MMP16: variants seen among roughly 807,000 people sequenced by gnomAD.
MMP16 encodes matrix metallopeptidase 16, also known as matrix metalloproteinase-16.
A neutral mutation model predicts 67.8 loss-of-function variants in MMP16; 12 were observed. The observed-to-expected ratio is 0.18, with a 90% CI of 0.11 to 0.29. MMP16 has a LOEUF of 0.29. Among genes scored for constraint, MMP16 ranks in the 10% least tolerant of loss-of-function variants. The probability of loss-of-function intolerance (pLI) is 1.00; values close to 1 mark genes in which losing one functional copy is unlikely to be tolerated. For missense variants in MMP16, 475 were observed against 765.7 expected, an observed-to-expected ratio of 0.62 and a Z score of 4.48; for synonymous variants, 249 against 255.9, an observed-to-expected ratio of 0.97 and a Z score of 0.26.
At position 88,218,609 on chromosome 8, in the gene MMP16, T is replaced by C. The variant is rs574796387; in HGVS notation, c.133-21303A>G. 3.3e-5 allele frequency among the ~76,000 whole-genome samples: 5 copies of C among 152,188 alleles called. No individual in the cohort carries two copies. The South Asian group carries it at 1.0e-3, about 32-fold the overall frequency. ...TGTTGCATACCTTAAATGCATTTAA[T>C]TGATTTATCAATTATACCTTGATAA... On this transcript the variant is annotated intron_variant, in intron 1 of 9. Transcript: ENST00000286614.
intron 1 of MMP16, among the ~76,000 whole-genome samples, chr8:88,218,373 C>T (rs899396955): frequency 1.3e-5 from 2 of 151,946 alleles, no homozygotes; most frequent in Non-Finnish European, 2.9e-5. Flanking sequence ...AGGGGACAAA[C>T]TTTCAATTGT....
At chr8:88,050,216 G>A (rs1177631491) in intron 8 of MMP16, among the ~76,000 whole-genome samples, 1 of 151,772 alleles carries the variant, frequency 6.6e-6, no homozygotes, top group Non-Finnish European at 1.5e-5. Context: ...CCAGCTAGTC[G>A]GGAGGCTGAG....
rs141262435 is a variant in MMP16, at chr8:88,258,554, C to T, written c.133-61248G>A. Reference sequence around the variant, plus strand: ...AACAAAATCACTAAAAAAAGCAAGACCAAATAAAACCTCATATGAACAAAG... The same window carrying T: ...AACAAAATCACTAAAAAAAGCAAGATCAAATAAAACCTCATATGAACAAAG... On this transcript the variant is annotated intron_variant, in intron 1 of 9. Transcript: ENST00000286614. Among the ~76,000 whole-genome samples, 29 of 152,176 alleles carry T rather than the reference C, an allele frequency of 1.9e-4. 2 individuals are homozygous for T. Among genetic ancestry groups the T allele is most frequent in the Middle Eastern group, 3.4e-3 (1 of 294 alleles).
At position 88,172,093 on chromosome 8, in the gene MMP16, C is replaced by CA. The variant is rs555066347; in HGVS notation, c.405-4121dup. On this transcript the variant is annotated intron_variant, in intron 3 of 9. Coordinates refer to ENST00000286614, the MANE Select transcript of MMP16 (RefSeq NM_005941.5). ...CTTGGCCTCCAAAGTGCTGGGATTA[C>CA]AGGCGTGTGCCACCGTGCCCGGCCA... 6.2e-4 allele frequency among the ~76,000 whole-genome samples: 95 copies of CA among 152,304 alleles called. 3 individuals carry two copies. The South Asian group carries it at 0.019, about 31-fold the overall frequency.
At chr8:88,272,362 T>C (rs1034543146) in intron 1 of MMP16, among the ~76,000 whole-genome samples, 2 of 152,140 alleles carry the variant, frequency 1.3e-5, no homozygotes, top group African/African-American at 4.8e-5. Context: ...GCAAAGAATA[T>C]ATAAAGCTTA....
chr8:88,285,078 C>T (rs1810806059), intron 1 of MMP16, among the ~76,000 whole-genome samples: 1 of 152,100 alleles, frequency 6.6e-6, no homozygotes, highest in Non-Finnish European at 1.5e-5. Context: ...GTCCATCTTC[C>T]TGACATACTA....
chr8:88,225,329 T>C (rs530589440), intron 1 of MMP16, among the ~76,000 whole-genome samples: 57 of 152,124 alleles, frequency 3.7e-4, no homozygotes, highest in Middle Eastern at 3.4e-3. Flanking sequence ...ACTGTGTTTG[T>C]CCATGTTCTT....
At chr8:88,224,218 T>C (rs1809732214) in intron 1 of MMP16, among the ~76,000 whole-genome samples, 1 of 152,066 alleles carries the variant, frequency 6.6e-6, no homozygotes, top group Admixed American at 6.6e-5. Flanking sequence ...GTTGCTATCC[T>C]GGGCATCAAC....
chr8:88,081,946 C>A (rs945209224), intron 6 of MMP16, among the ~76,000 whole-genome samples: 1 of 151,782 alleles, frequency 6.6e-6, no homozygotes, highest in African/African-American at 2.4e-5. Flanking sequence ...TTGGTTGTGA[C>A]CAATAAATTT....
intron 7 of MMP16, among the ~76,000 whole-genome samples, chr8:88,057,661 C>A (rs1407465122): frequency 6.6e-6 from 1 of 152,084 alleles, no homozygotes; most frequent in Non-Finnish European, 1.5e-5. Flanking sequence ...GCTCTCAACA[C>A]AAAATAAGCA....
At chr8:88,214,939 G>A (rs997270388) in intron 1 of MMP16, among the ~76,000 whole-genome samples, 1 of 152,136 alleles carries the variant, frequency 6.6e-6, no homozygotes, top group Non-Finnish European at 1.5e-5. Flanking sequence ...CTTCAGTGAA[G>A]GAACTATCAT....
intron 1 of MMP16, among the ~76,000 whole-genome samples, chr8:88,231,918 T>C (rs28904609): frequency 0.035 from 5,398 of 152,252 alleles, 251 homozygotes; most frequent in African/African-American, 0.11. Context: ...CCATTCATTA[T>C]CCTATCTAAA....
At chr8:88,285,685 T>C (rs1375088054) in intron 1 of MMP16, among the ~76,000 whole-genome samples, 1 of 152,042 alleles carries the variant, frequency 6.6e-6, no homozygotes. Context: ...CCCCCTCAAC[T>C]GAATCCTTCC....
At chr8:88,186,303 G>T (rs1035278714) in intron 3 of MMP16, 173 bp downstream of exon 3, 4 of 684,594 alleles carry the variant, frequency 5.8e-6, no homozygotes, top group Non-Finnish European at 9.4e-6. Context: ...TCTACATAGG[G>T]TGTCTAATGA....
At chr8:88,080,343 C>T (rs1028205303) in intron 6 of MMP16, among the ~76,000 whole-genome samples, 6 of 152,134 alleles carry the variant, frequency 3.9e-5, no homozygotes, top group African/African-American at 1.4e-4. Flanking sequence ...CAAGGGAAAT[C>T]ATTAGCTGTG....
intron 6 of MMP16, among the ~76,000 whole-genome samples, chr8:88,078,227 T>C (rs1479048972): frequency 6.6e-6 from 1 of 152,154 alleles, no homozygotes; most frequent in Non-Finnish European, 1.5e-5. Context: ...AAAAAAACAG[T>C]ACTTATACAT....
At chr8:88,219,491 G>T (rs1025505589) in intron 1 of MMP16, among the ~76,000 whole-genome samples, 3 of 152,000 alleles carry the variant, frequency 2.0e-5, no homozygotes, top group Non-Finnish European at 2.9e-5. Context: ...TGTTGTTCTT[G>T]CATGAGACCA....
At chr8:88,234,291 T>C (rs2129880808) in intron 1 of MMP16, among the ~76,000 whole-genome samples, 1 of 152,342 alleles carries the variant, frequency 6.6e-6, no homozygotes, top group East Asian at 1.9e-4. Context: ...ACCTAAAATA[T>C]AAGCTAGAAC....
intron 4 of MMP16, among the ~76,000 whole-genome samples, chr8:88,137,727 G>T (rs1218595363): frequency 1.3e-5 from 2 of 151,702 alleles, no homozygotes; most frequent in Non-Finnish European, 1.5e-5. Context: ...ATAGGTGTTA[G>T]ATGTTTTTTC....
Sources: gnomAD v4.1 joint callset for allele counts (sites outside exome capture counted in the v4.1 genomes callset) on GRCh38, gnomAD v4.1.1 for gene constraint, MANE v1.5 for transcripts, NCBI Gene and HGNC (gene_info 2026-07-23, HGNC 2026-07-21) for gene names.